Variants in NTM observed in about 807,000 individuals in gnomAD.
NTM encodes neurotrimin.
A neutral mutation model predicts 42.1 loss-of-function variants in NTM; 13 were observed. The observed-to-expected ratio is 0.31, with a 90% CI of 0.20 to 0.49. NTM has a LOEUF of 0.49. Ranked by LOEUF, NTM falls within the 20% of genes least tolerant of loss-of-function variation. NTM has a pLI of 0.99. For missense variants in NTM, 373 were observed against 452.8 expected (o/e 0.82, Z 1.60); for synonymous variants, 187 against 179.2 (o/e 1.04, Z -0.35).
chr11:131,869,949 C>T (rs1285281880), intron 1 of NTM, among the ~76,000 whole-genome samples: 2 of 152,170 alleles, frequency 1.3e-5, no homozygotes, highest in African/African-American at 4.8e-5. Flanking sequence ...ATGTGCTATG[C>T]AAAAGTCATC....
intron 1 of NTM, among the ~76,000 whole-genome samples, chr11:131,724,150 C>A (rs1010065370): frequency 2.0e-5 from 3 of 152,128 alleles, no homozygotes; most frequent in Non-Finnish European, 4.4e-5. Flanking sequence ...GCTCAGGTAC[C>A]TGGGCCACGG....
Position 132,335,146 on chromosome 11 carries a change from ATG to A in NTM, c.*3_*4del. Reference sequence around the variant, plus strand: ...TCTTGCACCTGCTTCTCAAATTTTGATGTGAGTGCCACTTCCCCACCCGGGAA... The same window carrying A: ...TCTTGCACCTGCTTCTCAAATTTTGATGAGTGCCACTTCCCCACCCGGGAA... On this transcript the variant is annotated 3_prime_UTR_variant, in exon 9 of 9. Transcript: ENST00000683400. The A allele has an allele frequency of 6.2e-7, 1 of 1,612,176 alleles. No individual in the cohort carries two copies. The highest frequency in any genetic ancestry group is 8.5e-7 in the Non-Finnish European group (1 of 1,179,948).
intron 1 of NTM, among the ~76,000 whole-genome samples, chr11:131,789,841 A>G (rs370320621): frequency 2.7e-5 from 4 of 150,698 alleles, no homozygotes; most frequent in Admixed American, 6.6e-5. Context: ...CTGTAGTCCC[A>G]GCTACACGGG....
chr11:131,629,195 A>G (rs1356825452), intron 1 of NTM, among the ~76,000 whole-genome samples: 1 of 152,200 alleles, frequency 6.6e-6, no homozygotes, highest in African/African-American at 2.4e-5. Flanking sequence ...ACTTAATAAT[A>G]GATTCAATTA....
chr11:132,263,064 T>C (rs1199484299), intron 4 of NTM, among the ~76,000 whole-genome samples: 1 of 152,218 alleles, frequency 6.6e-6, no homozygotes, highest in East Asian at 1.9e-4. Flanking sequence ...ATCTTAAGGC[T>C]CAAGAATAGT....
chr11:132,026,439 C>A (rs1036069322), intron 2 of NTM, among the ~76,000 whole-genome samples: 7 of 152,168 alleles, frequency 4.6e-5, no homozygotes, highest in African/African-American at 1.4e-4. Flanking sequence ...ACTGCCAGAT[C>A]ATGTTCAAGA....
chr11:131,437,870 C>T (rs1949282033), intron 1 of NTM, among the ~76,000 whole-genome samples: 1 of 152,160 alleles, frequency 6.6e-6, no homozygotes, highest in Admixed American at 6.5e-5. Context: ...GCAGTTTCTT[C>T]CTAGCATTGA....
chr11:132,146,022 C>T lies in NTM; in HGVS notation c.168-260C>T, dbSNP rs764985853. Among the ~76,000 whole-genome samples, 1 of 152,172 alleles carries T rather than the reference C, an allele frequency of 6.6e-6. No homozygotes were observed. Among genetic ancestry groups the T allele is most frequent in the Non-Finnish European group, 1.5e-5 (1 of 68,034 alleles). ...CAGCCATCCTGGGCATGCAAGGTAC[C>T]TCTAGGTTATAACTGAGATCGTATT... On this transcript the variant is annotated intron_variant, in intron 2 of 8. Transcript: ENST00000683400. This position sits in a 1 kb window ranked among gnomAD's most constrained non-coding sequence, Gnocchi z 4.5.
chr11:131,487,028 C>T (rs888653782), intron 1 of NTM, among the ~76,000 whole-genome samples: 6 of 152,052 alleles, frequency 3.9e-5, no homozygotes, highest in Non-Finnish European at 7.4e-5. Flanking sequence ...CACCACGCAC[C>T]CACTTGCTCA....
At chr11:131,667,990 G>A (rs1182084737) in intron 1 of NTM, among the ~76,000 whole-genome samples, 2 of 152,188 alleles carry the variant, frequency 1.3e-5, no homozygotes, top group African/African-American at 4.8e-5. Context: ...CACTTCTGGT[G>A]CCTTGTGCGG....
intron 1 of NTM, among the ~76,000 whole-genome samples, chr11:131,760,144 G>T (rs1263966833): frequency 6.6e-6 from 1 of 152,188 alleles, no homozygotes; most frequent in Non-Finnish European, 1.5e-5. Flanking sequence ...TTGGAATTCA[G>T]CAAGGAGTTA....
chr11:131,879,777 C>T (rs1488455980), intron 1 of NTM, among the ~76,000 whole-genome samples: 1 of 152,116 alleles, frequency 6.6e-6, no homozygotes, highest in East Asian at 1.9e-4. Flanking sequence ...TGGCTCTTCT[C>T]TTGCAGTCTT....
intron 1 of NTM, among the ~76,000 whole-genome samples, chr11:131,501,124 C>T (rs544519636): frequency 1.2e-4 from 18 of 152,130 alleles, no homozygotes; most frequent in South Asian, 1.0e-3. Context: ...GATACGTAAC[C>T]ACAATCCAAC....
chr11:132,294,092 A>G (rs2094538148), intron 4 of NTM, among the ~76,000 whole-genome samples: 1 of 152,160 alleles, frequency 6.6e-6, no homozygotes, highest in Non-Finnish European at 1.5e-5. Flanking sequence ...AAGCATGGTT[A>G]AGGCTAACAC....
At chr11:131,718,392 CT>C (rs1397750015) in intron 1 of NTM, among the ~76,000 whole-genome samples, 1 of 152,176 alleles carries the variant, frequency 6.6e-6, no homozygotes. Context: ...TGTTTTGGCT[CT>C]TGCTCTTAAT....
chr11:131,521,419 T>G (rs1292028919), intron 1 of NTM, among the ~76,000 whole-genome samples: 1 of 73,680 alleles, frequency 1.4e-5, no homozygotes, highest in African/African-American at 7.7e-5. Flanking sequence ...TTTTTTTTTT[T>G]TTTGAGACGG....
chr11:131,600,288 G>A (rs1457830962), intron 1 of NTM, among the ~76,000 whole-genome samples: 1 of 152,168 alleles, frequency 6.6e-6, no homozygotes, highest in African/African-American at 2.4e-5. Flanking sequence ...AACACAGGAT[G>A]AATAATAGAA....
intron 1 of NTM, among the ~76,000 whole-genome samples, chr11:131,483,865 CT>C (rs1764812293): frequency 6.6e-6 from 1 of 152,278 alleles, no homozygotes; most frequent in Admixed American, 6.5e-5. Context: ...ACAAGGAAGA[CT>C]TCTGCCTGGC....
At chr11:131,901,708 T>C (rs909182864) in intron 1 of NTM, among the ~76,000 whole-genome samples, 1 of 152,186 alleles carries the variant, frequency 6.6e-6, no homozygotes. Context: ...GTATCTGTGA[T>C]CCTGACACCT....
Sources: gnomAD v4.1 joint callset for allele counts (sites outside exome capture counted in the v4.1 genomes callset) on GRCh38, gnomAD v4.1.1 for gene constraint, Gnocchi (gnomAD v3.1) non-coding constraint, MANE v1.5 for transcripts, NCBI Gene and HGNC (gene_info 2026-07-23, HGNC 2026-07-21) for gene names.